The following HS6ST3 variants were observed in gnomAD, a reference collection of about 807,000 sequenced individuals.
HS6ST3 encodes the protein heparan sulfate 6-O-sulfotransferase 3.
Under a neutral mutation model 36.7 loss-of-function variants are expected in HS6ST3, and 12 were observed. The observed-to-expected ratio is 0.33, with a 90% CI of 0.21 to 0.53. The LOEUF is 0.53. HS6ST3 is among the 20% of genes least tolerant of loss of function. The pLI is 0.95. For synonymous variants in HS6ST3, 240 were observed against 257.5 expected (o/e 0.93, Z 0.65); for missense variants, 584 against 640.9 (o/e 0.91, Z 0.96).
chr13:96,590,293 C>T (rs972319021), intron 1 of HS6ST3, among the ~76,000 whole-genome samples: 1 of 152,114 alleles, frequency 6.6e-6, no homozygotes, highest in Non-Finnish European at 1.5e-5. Flanking sequence ...TACTAATTTA[C>T]ATTCCCACCA....
chr13:96,226,609 A>G (rs1463208994), intron 1 of HS6ST3, among the ~76,000 whole-genome samples: 2 of 152,244 alleles, frequency 1.3e-5, no homozygotes, highest in Non-Finnish European at 2.9e-5. Context: ...GCTAATCAAA[A>G]TATGTGAACC....
intron 1 of HS6ST3, among the ~76,000 whole-genome samples, chr13:96,706,440 T>TATATATAA (rs1491180585): frequency 2.9e-5 from 4 of 137,600 alleles, no homozygotes; most frequent in Non-Finnish European, 4.6e-5. Flanking sequence ...TATATATATA[T>TATATATAA]AATCAGGGAA....
At chr13:96,211,939 A>G (rs2054401119) in intron 1 of HS6ST3, among the ~76,000 whole-genome samples, 1 of 152,228 alleles carries the variant, frequency 6.6e-6, no homozygotes, top group African/African-American at 2.4e-5. Context: ...TACAGAAAGG[A>G]TAGGCAATTT....
chr13:96,235,959 A>G (rs547287243), intron 1 of HS6ST3, among the ~76,000 whole-genome samples: 32 of 152,298 alleles, frequency 2.1e-4, no homozygotes, highest in African/African-American at 6.3e-4. Flanking sequence ...AGCCAATCCA[A>G]GCCCCAAAAC....
rs572275483 is a variant in HS6ST3 at position 96,783,100 on chromosome 13, G to C, written c.708-49390G>C. Among the ~76,000 whole-genome samples the C allele has an allele frequency of 3.9e-5, 6 of 152,248 alleles. No homozygotes were observed. In the South Asian group the frequency reaches 1.2e-3, roughly 32 times the overall value. Reference sequence around the variant, plus strand: ...TTTGTTCAAGGAACAAAGAGTCTTAGGAACCAAGCATCTTAGGAAGATTCA... The same window carrying C: ...TTTGTTCAAGGAACAAAGAGTCTTACGAACCAAGCATCTTAGGAAGATTCA... On this transcript the variant is annotated intron_variant, in intron 1 of 1. Coordinates refer to ENST00000376705, the MANE Select transcript of HS6ST3 (RefSeq NM_153456.4).
intron 1 of HS6ST3, among the ~76,000 whole-genome samples, chr13:96,711,907 T>A (rs760620995): frequency 3.9e-5 from 6 of 152,244 alleles, no homozygotes; most frequent in Non-Finnish European, 7.3e-5. Flanking sequence ...ATTGCTGGTA[T>A]GTTCTGCATA....
intron 1 of HS6ST3, among the ~76,000 whole-genome samples, chr13:96,717,812 C>T (rs1231292829): frequency 1.3e-5 from 2 of 152,158 alleles, no homozygotes; most frequent in East Asian, 3.8e-4. Context: ...GGGAATTCCG[C>T]ACAAGGATCC....
intron 1 of HS6ST3, among the ~76,000 whole-genome samples, chr13:96,653,394 G>T (rs1279447083): frequency 6.6e-6 from 1 of 151,954 alleles, no homozygotes; most frequent in African/African-American, 2.4e-5. Flanking sequence ...GGTGTGTGTT[G>T]TTCCCCTCCT....
At chr13:96,186,658 T>C (rs116215563) in intron 1 of HS6ST3, among the ~76,000 whole-genome samples, 1,643 of 152,300 alleles carry the variant, frequency 0.011, 33 homozygotes, top group African/African-American at 0.038. Flanking sequence ...TTTTCTATTA[T>C]TTTTGACTCT....
chr13:96,381,490 T>G (rs2055341610), intron 1 of HS6ST3, among the ~76,000 whole-genome samples: 1 of 151,518 alleles, frequency 6.6e-6, no homozygotes, highest in South Asian at 2.1e-4. Context: ...GAGTGCAGAC[T>G]CTGGGTCCAT....
At chr13:96,593,801 C>A (rs1290947198) in intron 1 of HS6ST3, among the ~76,000 whole-genome samples, 1 of 151,762 alleles carries the variant, frequency 6.6e-6, no homozygotes, top group African/African-American at 2.4e-5. Flanking sequence ...TCTCTTTTTG[C>A]AGACTTAAAT....
chr13:96,413,405 G>A (rs1684122874), intron 1 of HS6ST3, among the ~76,000 whole-genome samples: 1 of 152,160 alleles, frequency 6.6e-6, no homozygotes, highest in Non-Finnish European at 1.5e-5. Context: ...AACTAGTACA[G>A]TTTTGGAGTG....
At chr13:96,133,530 C>G (rs192092725) in intron 1 of HS6ST3, among the ~76,000 whole-genome samples, 82 of 152,274 alleles carry the variant, frequency 5.4e-4, no homozygotes, top group Admixed American at 2.4e-3. Flanking sequence ...TCAAAGGATT[C>G]TCCTGCCACA....
Position 96,825,207 on chromosome 13 carries a change from G to A in HS6ST3, c.708-7283G>A, listed in dbSNP as rs184246476. On this transcript the variant is annotated intron_variant, in intron 1 of 1. Transcript: ENST00000376705. ...TATTTAATAAACTGTTGTGAACCTA[G>A]CATTATGAAGTTCTTTCAAGTGTAT... Among the ~76,000 whole-genome samples, 14 of 152,278 alleles carry A rather than the reference G, an allele frequency of 9.2e-5. No individual in the cohort carries two copies. The East Asian group carries it at 1.5e-3, about 17-fold the overall frequency.
intron 1 of HS6ST3, among the ~76,000 whole-genome samples, chr13:96,579,129 T>C (rs2138967593): frequency 6.6e-6 from 1 of 152,284 alleles, no homozygotes; most frequent in Non-Finnish European, 1.5e-5. Context: ...AGTATATATA[T>C]ATTTTACTGT....
intron 1 of HS6ST3, among the ~76,000 whole-genome samples, chr13:96,447,744 G>A (rs1043833554): frequency 6.6e-6 from 1 of 152,188 alleles, no homozygotes; most frequent in Non-Finnish European, 1.5e-5. Flanking sequence ...TGAGCCCTAT[G>A]CAAATCAGAC....
chr13:96,352,423 C>T (rs748761421), intron 1 of HS6ST3, among the ~76,000 whole-genome samples: 1 of 152,198 alleles, frequency 6.6e-6, no homozygotes, highest in Non-Finnish European at 1.5e-5. Context: ...AGTTCCTTCC[C>T]TGTGGGCCTT....
rs1263084087 is a variant in HS6ST3, at chr13:96,090,436, G to A, written c.-427G>A. ...CCCTGGCGAGCCTCATGCAGCCCCG[G>A]CGCTCGCGGCCGCAGCTACCCGGCT... On this transcript the variant is annotated 5_prime_UTR_variant, in exon 1 of 2. Transcript: ENST00000376705. Among the ~76,000 whole-genome samples, 2 of 146,342 alleles carry A rather than the reference G, an allele frequency of 1.4e-5. No homozygotes were observed. The highest frequency in any genetic ancestry group is 3.0e-5 in the Non-Finnish European group (2 of 65,796).
intron 1 of HS6ST3, among the ~76,000 whole-genome samples, chr13:96,260,182 G>A (rs961930635): frequency 4.6e-5 from 7 of 152,052 alleles, no homozygotes; most frequent in Admixed American, 3.9e-4. Flanking sequence ...ATCCTAGCTT[G>A]AATGGCCTTT....
Sources: allele counts gnomAD v4.1 joint callset (sites outside exome capture counted in the v4.1 genomes callset), GRCh38; gene constraint gnomAD v4.1.1; transcripts MANE v1.5; gene names NCBI Gene and HGNC (gene_info 2026-07-23, HGNC 2026-07-21).